PLAT: variants seen among roughly 807,000 people sequenced by gnomAD.
PLAT encodes plasminogen activator, tissue type.
In PLAT, 48 loss-of-function variants were observed where a neutral mutation model predicts 74.9. That is an observed-to-expected ratio of 0.64 (90% confidence interval 0.51 to 0.82). The LOEUF (loss-of-function observed/expected upper bound fraction) is 0.82, where lower values mean the gene tolerates loss of function less well. Among genes scored for constraint, PLAT ranks in the 40% least tolerant of loss-of-function variants. The pLI is 0.00. For missense variants in PLAT, 673 were observed against 736.2 expected (o/e 0.91, Z 0.99); for synonymous variants, 307 against 294.4 (o/e 1.04, Z -0.44).
intron 1 of PLAT, among the ~76,000 whole-genome samples, chr8:42,201,751 G>A (rs1806140337): frequency 1.3e-5 from 2 of 152,298 alleles, no homozygotes; most frequent in South Asian, 4.1e-4. Flanking sequence ...GCCAGAACTA[G>A]CAGCTGAGAT....
chr8:42,187,597 C>A, intron 5 of PLAT, 25 bp from the exon 6 acceptor site: 1 of 1,563,790 alleles, frequency 6.4e-7, no homozygotes, highest in South Asian at 1.2e-5. Flanking sequence ...GGCATGGATG[C>A]CTCACATGGG....
chr8:42,187,281 C>G, intron 6 of PLAT, 117 bp downstream of exon 6: 3 of 756,290 alleles, frequency 4.0e-6, no homozygotes, highest in Non-Finnish European at 6.2e-6. Flanking sequence ...ATCTATCCAT[C>G]TATCCATCCT....
chr8:42,180,719 C>G, intron 9 of PLAT, 34 bp from the exon 10 acceptor site: 1 of 1,491,624 alleles, frequency 6.7e-7, no homozygotes, highest in South Asian at 1.3e-5. Flanking sequence ...CAGTCAGTCC[C>G]ACAGGCCTCC....
chr8:42,186,344 T>C, intron 6 of PLAT: 1 of 152,138 alleles, frequency 6.6e-6, no homozygotes, highest in South Asian at 2.1e-4. Flanking sequence ...CTCTGCCCTA[T>C]TTTTTATGTA....
intron 1 of PLAT, among the ~76,000 whole-genome samples, chr8:42,202,058 C>T (rs1428661337): frequency 6.6e-6 from 1 of 152,192 alleles, no homozygotes; most frequent in Non-Finnish European, 1.5e-5. Flanking sequence ...CTCGCCCAGT[C>T]ACCCAGACTG....
intron 3 of PLAT, among the ~76,000 whole-genome samples, chr8:42,191,121 C>A (rs908501457): frequency 1.3e-5 from 2 of 152,214 alleles, no homozygotes; most frequent in Non-Finnish European, 2.9e-5. Context: ...GGTTGTGATC[C>A]CTGACAGCCT....
chr8:42,206,739 T>G (rs999164971), intron 1 of PLAT: 1 of 152,198 alleles, frequency 6.6e-6, no homozygotes. Context: ...AGTGAAAATC[T>G]GGAGAACCCC....
chr8:42,194,158 T>C (rs1805805620), intron 1 of PLAT, among the ~76,000 whole-genome samples: 1 of 134,022 alleles, frequency 7.5e-6, no homozygotes, highest in Non-Finnish European at 1.5e-5. Flanking sequence ...GCTCAAGAGA[T>C]CCTCCTGCCT....
chr8:42,180,029 G>A lies in PLAT; in HGVS notation c.1260C>T (p.Ala420=). 6.2e-7 allele frequency: 1 copy of A among 1,610,022 alleles called. No homozygotes were observed. Among genetic ancestry groups the A allele is most frequent in the Non-Finnish European group, 8.5e-7 (1 of 1,177,584 alleles). Residue 420 remains alanine (A), a synonymous_variant, in exon 12 of 14, where the codon GCC becomes GCT. Coordinates refer to ENST00000220809, the MANE Select transcript of PLAT (RefSeq NM_000930.5). ...LQLKSDSSRC[A]QESSVVRTVC... ...CAGTGCGGACCACGCTGCTCTCCTG[G>A]GCACAGCGGGACGAATCCGATTTCA...
Position 42,175,762 on chromosome 8 carries a change from T to C in PLAT, c.*231A>G. On this transcript the variant is annotated 3_prime_UTR_variant, in exon 14 of 14. Coordinates refer to ENST00000220809, the MANE Select transcript of PLAT (RefSeq NM_000930.5). Reference sequence around the variant, plus strand: ...GCATTCCTGGAGAGGCTAGTGTGCATTCATGTCTTCCCATCTGACAGAGTA... The same window carrying C: ...GCATTCCTGGAGAGGCTAGTGTGCACTCATGTCTTCCCATCTGACAGAGTA... 4.1e-6 allele frequency: 2 copies of C among 493,436 alleles called. No homozygotes were observed. The highest frequency in any genetic ancestry group is 7.3e-6 in the Non-Finnish European group (2 of 273,572). The allele number at this position is 493,436 out of a possible 1,614,324, so 30.6% of individuals were successfully genotyped here. A position where few individuals can be genotyped will look rare whatever the true frequency, so the allele number is the denominator to read the frequency against.
At chr8:42,206,533 A>G (rs1040367928) in intron 1 of PLAT, 1 of 152,192 alleles carries the variant, frequency 6.6e-6, no homozygotes, top group African/African-American at 2.4e-5. Flanking sequence ...ACACACACAC[A>G]CGACATTTTT....
At chr8:42,207,159 T>C (rs906158251) in intron 1 of PLAT, among the ~76,000 whole-genome samples, 2 of 152,206 alleles carry the variant, frequency 1.3e-5, no homozygotes, top group African/African-American at 4.8e-5. Flanking sequence ...CTTGCTCGTC[T>C]TGAGGTACTC....
At chr8:42,197,397 G>C (rs746827189) in intron 1 of PLAT, among the ~76,000 whole-genome samples, 4 of 152,234 alleles carry the variant, frequency 2.6e-5, no homozygotes, top group Non-Finnish European at 5.9e-5. Flanking sequence ...TGTGAATGAT[G>C]ACTGTTCTTG....
At chr8:42,197,659 A>G (rs1310588409) in intron 1 of PLAT, among the ~76,000 whole-genome samples, 1 of 152,142 alleles carries the variant, frequency 6.6e-6, no homozygotes, top group African/African-American at 2.4e-5. Context: ...GGCCAGCTGG[A>G]GGAGGGACAG....
At chr8:42,181,039 C>T (rs962590227) in intron 9 of PLAT, among the ~76,000 whole-genome samples, 2 of 152,178 alleles carry the variant, frequency 1.3e-5, no homozygotes, top group East Asian at 1.9e-4. Context: ...ATTTCTTTTC[C>T]ATCTGTCCAA....
Position 42,175,618 on chromosome 8 carries a change from T to A in PLAT, c.*375A>T. 5.6e-6 allele frequency: 1 copy of A among 178,786 alleles called. No individual in the cohort carries two copies. The highest frequency in any genetic ancestry group is 1.2e-5 in the Non-Finnish European group (1 of 84,336). The allele number at this position is 178,786 out of a possible 1,614,324, so 11.1% of individuals were successfully genotyped here. A position where few individuals can be genotyped will look rare whatever the true frequency, so the allele number is the denominator to read the frequency against. On this transcript the variant is annotated 3_prime_UTR_variant, in exon 14 of 14. Transcript: ENST00000220809. Reference sequence around the variant, plus strand: ...CCTGAAAGATCTTGTTATCTTTTACTATTGAGACATGCTTTCATTTTTGTG... The same window carrying A: ...CCTGAAAGATCTTGTTATCTTTTACAATTGAGACATGCTTTCATTTTTGTG...
chr8:42,181,395 G>T (rs372253996), intron 9 of PLAT, among the ~76,000 whole-genome samples: 4 of 152,324 alleles, frequency 2.6e-5, no homozygotes, highest in African/African-American at 4.8e-5. Context: ...AGGTCAACAG[G>T]AAACGTGGAA....
intron 10 of PLAT, 41 bp from the exon 11 acceptor site, chr8:42,180,419 G>A (rs769232665): frequency 1.2e-6 from 2 of 1,613,928 alleles, no homozygotes; most frequent in East Asian, 2.2e-5. Flanking sequence ...TTTGCTGTGG[G>A]ATTTCCCCTA....
At chr8:42,178,525 C>A (rs1805069340) in intron 13 of PLAT, among the ~76,000 whole-genome samples, 1 of 152,226 alleles carries the variant, frequency 6.6e-6, no homozygotes, top group Non-Finnish European at 1.5e-5. Context: ...CCACCTCAGC[C>A]TCCCAAAGTG....
Sources: gnomAD v4.1 joint callset for allele counts (sites outside exome capture counted in the v4.1 genomes callset) on GRCh38, gnomAD v4.1.1 for gene constraint, MANE v1.5 for transcripts, NCBI Gene and HGNC (gene_info 2026-07-23, HGNC 2026-07-21) for gene names.